Variants in TMTC3 observed in about 807,000 individuals in gnomAD.
TMTC3 encodes protein O-mannosyl-transferase TMTC3.
In TMTC3, 52 loss-of-function variants were observed where a neutral mutation model predicts 92.2. That is an observed-to-expected ratio of 0.56 (90% CI 0.45 to 0.71). The LOEUF is 0.71. Among genes scored for constraint, TMTC3 ranks in the 30% least tolerant of loss-of-function variants. The pLI is 0.00. For missense variants in TMTC3, 896 were observed against 1,057.1 expected (o/e 0.85, Z 2.11); for synonymous variants, 339 against 363.3 (o/e 0.93, Z 0.76).
intron 4 of TMTC3, among the ~76,000 whole-genome samples, 192 bp from the exon 5 acceptor site, chr12:88,159,922 T>C (rs1190310056): frequency 1.3e-5 from 2 of 152,152 alleles, no homozygotes; most frequent in Non-Finnish European, 2.9e-5. Flanking sequence ...CAGTTCAAAT[T>C]ATACATGTTG....
Position 88,197,584 on chromosome 12 carries a change from T to TAGA in TMTC3, c.*1938_*1940dup, listed in dbSNP as rs2041529592. 1 of 152,218 alleles carries TAGA rather than the reference T, an allele frequency of 6.6e-6. No individual in the cohort carries two copies. The highest frequency in any genetic ancestry group is 6.6e-5 in the Admixed American group (1 of 15,224). The allele number at this position is 152,218 out of a possible 1,614,324, so 9.4% of individuals were successfully genotyped here. A position where few individuals can be genotyped will look rare whatever the true frequency, so the allele number is the denominator to read the frequency against. ...AATCTTTTGTGACAGCAGACTATAA[T>TAGA]AGAAGTTTGAGTAATATTTTAATAA... On this transcript the variant is annotated 3_prime_UTR_variant, in exon 14 of 14. Transcript: ENST00000266712.
At chr12:88,173,875 G>A (rs2041231107) in intron 8 of TMTC3, among the ~76,000 whole-genome samples, 1 of 152,072 alleles carries the variant, frequency 6.6e-6, no homozygotes, top group African/African-American at 2.4e-5. Flanking sequence ...GTAAATAACA[G>A]TCTTGTTTCA....
At position 88,154,328 on chromosome 12, in the gene TMTC3, T is replaced by C. The variant is rs1366796520; in HGVS notation, c.449T>C (p.Ile150Thr). Residue 150 changes from isoleucine to threonine, a missense_variant, in exon 4 of 14, where the codon ATC (isoleucine) becomes ACC (threonine). Coordinates refer to ENST00000266712, the MANE Select transcript of TMTC3 (RefSeq NM_181783.4). The stretch of plus-strand genomic sequence containing the variant: ...GGAAGAGCAGAACTTTTGTCATCTA[T>C]CTTTTTTCTAGCAGCTTTTTTGTCA... The part of the protein sequence containing the change: ...VVGRAELLSS[I>T]FFLAAFLSYT... The C allele has an allele frequency of 2.1e-5, 33 of 1,609,314 alleles. No homozygotes were observed. Among genetic ancestry groups the C allele is most frequent in the Non-Finnish European group, 2.6e-5 (31 of 1,178,726 alleles).
At chr12:88,160,337 G>T in intron 5 of TMTC3, 108 bp downstream of exon 5, 1 of 613,674 alleles carries the variant, frequency 1.6e-6, no homozygotes. Flanking sequence ...GTAAATTAAT[G>T]TGTTTACCAA....
intron 4 of TMTC3, among the ~76,000 whole-genome samples, chr12:88,157,858 A>T (rs1402767727): frequency 2.6e-5 from 4 of 152,194 alleles, no homozygotes; most frequent in African/African-American, 9.6e-5. Flanking sequence ...TATAGTCACT[A>T]GAGGCTGAAG....
At chr12:88,159,149 T>G (rs1206578739) in intron 4 of TMTC3, among the ~76,000 whole-genome samples, 1 of 151,052 alleles carries the variant, frequency 6.6e-6, no homozygotes, top group Non-Finnish European at 1.5e-5. Flanking sequence ...GAATTAGAGA[T>G]TATAGTTTTT....
In TMTC3 at chr12:88,166,509, T is replaced by G; in HGVS notation, c.977T>G (p.Phe326Cys). The G allele has an allele frequency of 6.2e-7, 1 of 1,614,034 alleles. No individual in the cohort carries two copies. The highest frequency in any genetic ancestry group is 8.5e-7 in the Non-Finnish European group (1 of 1,179,958). The change falls in exon 7 of 14, where the codon TTC (phenylalanine) becomes TGC (cysteine). Residue 326 changes from phenylalanine to cysteine, a missense_variant. Coordinates refer to ENST00000266712, the MANE Select transcript of TMTC3 (RefSeq NM_181783.4). ...ATTCGAAATCTGGCCACATTTACTT[T>G]CTTTTGTTTTCTGGGGATGTTGGGA... ...LDIRNLATFT[F>C]FCFLGMLGVF...
At chr12:88,187,292 A>G (rs1272171331) in intron 10 of TMTC3, among the ~76,000 whole-genome samples, 3 of 152,158 alleles carry the variant, frequency 2.0e-5, no homozygotes, top group Non-Finnish European at 4.4e-5. Context: ...ACCCTGATCT[A>G]ATCACTATAC....
rs116606792 is a variant in TMTC3, at chr12:88,194,667, T to C, written c.1934-171T>C. Among the ~76,000 whole-genome samples, 507 of 152,304 alleles carry C rather than the reference T, an allele frequency of 3.3e-3. 1 individual carries two copies. The highest frequency in any genetic ancestry group is 0.012 in the African/African-American group (492 of 41,580). On this transcript the variant is annotated intron_variant, in intron 13 of 13. Transcript: ENST00000266712. ...AGCTATCTTTTTACTGTTTCAAATATTTTGCTTTTCCTATGAAGACTTCGA... is the reference window on the plus strand; with the variant it reads ...AGCTATCTTTTTACTGTTTCAAATACTTTGCTTTTCCTATGAAGACTTCGA...
intron 1 of TMTC3, among the ~76,000 whole-genome samples, chr12:88,148,087 C>T (rs549602086): frequency 6.6e-6 from 1 of 152,062 alleles, no homozygotes; most frequent in African/African-American, 2.4e-5. Context: ...GACATAATGT[C>T]CCCGTTATCA....
chr12:88,143,766 C>G (rs1429132221), intron 1 of TMTC3, among the ~76,000 whole-genome samples: 1 of 152,128 alleles, frequency 6.6e-6, no homozygotes, highest in African/African-American at 2.4e-5. Flanking sequence ...GGAGAGGGCT[C>G]CTGGATCTCG....
intron 9 of TMTC3, among the ~76,000 whole-genome samples, chr12:88,175,071 C>T (rs1208384048): frequency 6.6e-6 from 1 of 151,766 alleles, no homozygotes; most frequent in Non-Finnish European, 1.5e-5. Flanking sequence ...ATAAGTCTTA[C>T]AGTGAAAAGC....
At chr12:88,157,960 TCTTC>T (rs2041030348) in intron 4 of TMTC3, among the ~76,000 whole-genome samples, 1 of 152,168 alleles carries the variant, frequency 6.6e-6, no homozygotes, top group Non-Finnish European at 1.5e-5. Flanking sequence ...ATTTGCTTGT[TCTTC>T]CTTGAAGTAG....
At chr12:88,174,077 C>A (rs2041233335) in intron 8 of TMTC3, among the ~76,000 whole-genome samples, 1 of 152,020 alleles carries the variant, frequency 6.6e-6, no homozygotes, top group Admixed American at 6.6e-5. Context: ...AATAATTAAC[C>A]TAAAGTTGTA....
chr12:88,149,086 C>T (rs1283746710), intron 2 of TMTC3, among the ~76,000 whole-genome samples: 2 of 152,176 alleles, frequency 1.3e-5, no homozygotes, highest in East Asian at 1.9e-4. Context: ...ATAGTAAGTA[C>T]ACATATTGCC....
At chr12:88,171,886 A>G (rs1199405554) in intron 7 of TMTC3, among the ~76,000 whole-genome samples, 1 of 152,098 alleles carries the variant, frequency 6.6e-6, no homozygotes, top group Non-Finnish European at 1.5e-5. Flanking sequence ...TTTTGATAAT[A>G]GCCATTCTTA....
chr12:88,157,791 A>G (rs1418892633), intron 4 of TMTC3, among the ~76,000 whole-genome samples: 1 of 152,194 alleles, frequency 6.6e-6, no homozygotes, highest in Non-Finnish European at 1.5e-5. Context: ...GGACAAAATC[A>G]CATGTAACTT....
chr12:88,153,155 A>G (rs1433872555), intron 2 of TMTC3, 136 bp from the exon 3 acceptor site: 2 of 595,110 alleles, frequency 3.4e-6, no homozygotes, highest in African/African-American at 3.8e-5. Flanking sequence ...TGTTACTCTT[A>G]CGACATTTCA....
intron 10 of TMTC3, among the ~76,000 whole-genome samples, chr12:88,184,146 ACAAGAGAGTGCAGCAGCCAC>A (rs2041349816): frequency 6.6e-6 from 1 of 152,102 alleles, no homozygotes; most frequent in Non-Finnish European, 1.5e-5. Flanking sequence ...AGCACCACCA[ACAAGAGAGTGCAGCAGCCAC>A]CAAGAGAGTG....
Sources: gnomAD v4.1 joint callset for allele counts (sites outside exome capture counted in the v4.1 genomes callset) on GRCh38, gnomAD v4.1.1 for gene constraint, MANE v1.5 for transcripts, NCBI Gene and HGNC (gene_info 2026-07-23, HGNC 2026-07-21) for gene names.